Variants in MEGF10 observed in about 807,000 individuals in gnomAD.
MEGF10 encodes the protein multiple EGF like domains 10.
MEGF10 carries 86 observed loss-of-function variants against 147.5 expected under a neutral mutation model. That is an observed-to-expected ratio of 0.58 (90% CI 0.49 to 0.70). The LOEUF (loss-of-function observed/expected upper bound fraction) is 0.70. MEGF10 is among the 30% of genes least tolerant of loss of function. MEGF10 has a pLI of 0.00. For synonymous variants in MEGF10, 478 were observed against 525.5 expected, an observed-to-expected ratio of 0.91 and a Z score of 1.24; for missense variants, 1,329 against 1,487.3, an observed-to-expected ratio of 0.89 and a Z score of 1.75.
At chr5:127,307,414 C>T (rs1340042046) in intron 1 of MEGF10, among the ~76,000 whole-genome samples, 1 of 152,168 alleles carries the variant, frequency 6.6e-6, no homozygotes, top group Non-Finnish European at 1.5e-5. Context: ...GCCCCAGCTT[C>T]GCCTGGGCTA....
Position 127,459,432 on chromosome 5 carries a change from T to C in MEGF10, c.*2114T>C, listed in dbSNP as rs77171194. The C allele has an allele frequency of 0.053, 8,125 of 152,274 alleles. 244 individuals carry two copies. The highest frequency in any genetic ancestry group is 0.13 in the Middle Eastern group (38 of 294). The allele number at this position is 152,274 out of a possible 1,614,324, so 9.4% of individuals were successfully genotyped here. ...AGGTGATAGGCATCTAATTGAGACATGTGTGAGTCAATAGCCATCGGGGTC... is the reference window on the plus strand; with the variant it reads ...AGGTGATAGGCATCTAATTGAGACACGTGTGAGTCAATAGCCATCGGGGTC... On this transcript the variant is annotated 3_prime_UTR_variant, in exon 25 of 25. Coordinates refer to ENST00000503335, the MANE Select transcript of MEGF10 (RefSeq NM_001256545.2).
chr5:127,346,286 G>A (rs912399869), intron 4 of MEGF10, among the ~76,000 whole-genome samples: 10 of 152,116 alleles, frequency 6.6e-5, no homozygotes, highest in African/African-American at 1.7e-4. Context: ...TCTCCACACC[G>A]TTTTCCATAG....
Position 127,442,978 on chromosome 5 carries a change from A to G in MEGF10, c.2363-20A>G, listed in dbSNP as rs1381221124. 1 of 1,604,744 alleles carries G rather than the reference A, an allele frequency of 6.2e-7. No homozygotes were observed. The stretch of plus-strand genomic sequence containing the variant: ...CAAATTCCCAAGGTTGGAAAGCTAC[A>G]TTTGACTTTCCTTCTCTAGAGTGCC... On this transcript the variant is annotated intron_variant, in intron 18 of 24. Coordinates refer to ENST00000503335, the MANE Select transcript of MEGF10 (RefSeq NM_001256545.2).
intron 1 of MEGF10, among the ~76,000 whole-genome samples, chr5:127,310,756 C>A (rs1301384310): frequency 6.6e-6 from 1 of 151,994 alleles, no homozygotes; most frequent in African/African-American, 2.4e-5. Flanking sequence ...TGAAAATAGC[C>A]TCAATCATTT....
At chr5:127,269,404 T>G in the MEGF10 span, among the ~76,000 whole-genome samples, 1 of 152,310 alleles carries the variant, frequency 6.6e-6, no homozygotes, top group African/African-American at 2.4e-5. Flanking sequence ...ATGACCTGAT[T>G]GAGCTGAAAA....
the MEGF10 span, among the ~76,000 whole-genome samples, chr5:127,252,695 T>G: frequency 6.6e-6 from 1 of 151,904 alleles, no homozygotes; most frequent in African/African-American, 2.4e-5. Flanking sequence ...ACAGACTGCA[T>G]TTTTAGTCTT....
the MEGF10 span, among the ~76,000 whole-genome samples, chr5:127,265,109 T>C: frequency 6.6e-6 from 1 of 152,182 alleles, no homozygotes. Context: ...GATGTTCCCC[T>C]TCTTGTGTCC....
upstream of MEGF10, among the ~76,000 whole-genome samples, chr5:127,290,570 TC>T (rs964899945): frequency 3.3e-5 from 5 of 152,284 alleles, no homozygotes; most frequent in African/African-American, 1.2e-4. Flanking sequence ...TTTGGCGGGG[TC>T]ACCCACCAGG....
At chr5:127,231,766 C>T in the MEGF10 span, among the ~76,000 whole-genome samples, 1 of 152,174 alleles carries the variant, frequency 6.6e-6, no homozygotes, top group Non-Finnish European at 1.5e-5. Context: ...CCTTCATTAG[C>T]CCAGTATGAT....
chr5:127,360,115 T>A (rs1762419088), intron 4 of MEGF10, among the ~76,000 whole-genome samples: 1 of 152,120 alleles, frequency 6.6e-6, no homozygotes, highest in Non-Finnish European at 1.5e-5. Flanking sequence ...TAAAGTGTTC[T>A]ATAAATGTCA....
chr5:127,393,810 G>GTTTT (rs11414651), intron 5 of MEGF10, among the ~76,000 whole-genome samples: 2 of 147,606 alleles, frequency 1.4e-5, no homozygotes. Flanking sequence ...TATCTTCAAA[G>GTTTT]TTTTTTTTTT....
At chr5:127,348,367 CTATTTTA>C (rs1761969346) in intron 4 of MEGF10, among the ~76,000 whole-genome samples, 1 of 152,008 alleles carries the variant, frequency 6.6e-6, no homozygotes, top group Non-Finnish European at 1.5e-5. Flanking sequence ...ACACATGTAG[CTATTTTA>C]AAATGGAAAT....
chr5:127,334,217 A>G (rs917169645), intron 2 of MEGF10, among the ~76,000 whole-genome samples: 42 of 152,240 alleles, frequency 2.8e-4, no homozygotes, highest in Middle Eastern at 3.4e-3. Context: ...CAAGGGCATA[A>G]TTCTGGTAGT....
intron 1 of MEGF10, among the ~76,000 whole-genome samples, chr5:127,302,752 AG>A: frequency 6.6e-6 from 1 of 152,214 alleles, no homozygotes; most frequent in East Asian, 1.9e-4. Context: ...AAAAATGGCA[AG>A]ATGCAGCCTT....
the MEGF10 span, among the ~76,000 whole-genome samples, chr5:127,277,857 T>C: frequency 3.6e-4 from 55 of 152,184 alleles, no homozygotes; most frequent in African/African-American, 1.3e-3. Flanking sequence ...AAAGATGCCA[T>C]TTGCTGAGAT....
At chr5:127,360,536 G>C (rs1762431603) in intron 4 of MEGF10, among the ~76,000 whole-genome samples, 1 of 151,858 alleles carries the variant, frequency 6.6e-6, no homozygotes, top group Non-Finnish European at 1.5e-5. Context: ...AATTGTAAGA[G>C]CAAGAATCCT....
chr5:127,254,809 TG>T, the MEGF10 span, among the ~76,000 whole-genome samples: 4,951 of 144,822 alleles, frequency 0.034, 207 homozygotes, highest in African/African-American at 0.1. Flanking sequence ...AGACTCCATC[TG>T]AAAAAAAAAA....
At chr5:127,395,374 G>A (rs907858492) in intron 5 of MEGF10, among the ~76,000 whole-genome samples, 4 of 151,358 alleles carry the variant, frequency 2.6e-5, no homozygotes, top group Non-Finnish European at 5.9e-5. Flanking sequence ...ACCTGGTTTC[G>A]TTTGCCTATT....
Position 127,438,425 on chromosome 5 carries a change from A to G in MEGF10, c.2105-14A>G. 1 of 1,613,298 alleles carries G rather than the reference A, an allele frequency of 6.2e-7. No homozygotes were observed. The highest frequency in any genetic ancestry group is 2.2e-5 in the East Asian group (1 of 44,862). On this transcript the variant is annotated splice_polypyrimidine_tract_variant and intron_variant, in intron 16 of 24. Transcript: ENST00000503335. ...TCAGAACTCTGATGGACTTCTCCAT[A>G]CCTGTAATTTCAGCATGTCCACCTG...
Sources: allele counts gnomAD v4.1 joint callset (sites outside exome capture counted in the v4.1 genomes callset), GRCh38; gene constraint gnomAD v4.1.1; transcripts MANE v1.5; gene names NCBI Gene and HGNC (gene_info 2026-07-23, HGNC 2026-07-21).